Variants in NCAM1 observed in about 807,000 individuals in gnomAD.
NCAM1 encodes the protein antigen recognized by monoclonal antibody 5.1H11.
NCAM1 carries 14 observed loss-of-function variants against 109.8 expected under a neutral mutation model. The ratio of observed to expected loss-of-function variants is 0.13; its 90% CI spans 0.08 to 0.20. The LOEUF (loss-of-function observed/expected upper bound fraction) is 0.20. Among genes scored for constraint, NCAM1 ranks in the 10% least tolerant of loss-of-function variants. NCAM1 has a pLI of 1.00. For missense variants in NCAM1, 774 were observed against 1,109.9 expected (o/e 0.70, Z 4.30); for synonymous variants, 418 against 442.9 (o/e 0.94, Z 0.70).
chr11:112,979,635 A>C (rs1951099913), intron 1 of NCAM1, among the ~76,000 whole-genome samples: 3 of 151,834 alleles, frequency 2.0e-5, no homozygotes, highest in Admixed American at 6.6e-5. Flanking sequence ...AGGAAAACCC[A>C]ATCTGTTTTG....
chr11:113,180,688 A>G (rs567564030), intron 1 of NCAM1, among the ~76,000 whole-genome samples: 2 of 152,250 alleles, frequency 1.3e-5, no homozygotes, highest in Non-Finnish European at 2.9e-5. Flanking sequence ...TAGAAGAAAT[A>G]TCTCCTCTGA....
chr11:113,209,603 G>A (rs537099729), intron 7 of NCAM1, among the ~76,000 whole-genome samples: 1 of 152,302 alleles, frequency 6.6e-6, no homozygotes, highest in East Asian at 1.9e-4. Context: ...ACCCTGGGAA[G>A]CACAAAGAGG....
At chr11:113,116,032 C>T (rs11214503) in intron 1 of NCAM1, among the ~76,000 whole-genome samples, 68,299 of 151,988 alleles carry the variant, frequency 0.45, 16,307 homozygotes, top group Middle Eastern at 0.55. Flanking sequence ...CACAGGTTTA[C>T]GGCAAATACA....
chr11:113,104,736 A>G (rs1203155854), intron 1 of NCAM1, among the ~76,000 whole-genome samples: 3 of 152,200 alleles, frequency 2.0e-5, no homozygotes, highest in Non-Finnish European at 4.4e-5. Context: ...TTTGGAATAA[A>G]TTGGGTCTTA....
rs551947664 is a variant in NCAM1, at chr11:113,160,930, C to T, written c.53-41449C>T. ...CCTGATAGTTCCTCTAGGGCTTTTT[C>T]GAGAGTTTAAATTAAACTATCTTCT... On this transcript the variant is annotated intron_variant, in intron 1 of 19. Transcript: ENST00000316851. 1.1e-3 allele frequency among the ~76,000 whole-genome samples: 172 copies of T among 152,238 alleles called. 1 individual carries two copies. Among genetic ancestry groups the T allele is most frequent in the South Asian group, 8.9e-3 (43 of 4,824 alleles).
chr11:113,151,189 C>A (rs1942211386), intron 1 of NCAM1, among the ~76,000 whole-genome samples: 1 of 152,096 alleles, frequency 6.6e-6, no homozygotes, highest in African/African-American at 2.4e-5. Context: ...GACCTGAATC[C>A]TAAATGTACA....
intron 1 of NCAM1, among the ~76,000 whole-genome samples, chr11:113,053,330 C>T (rs1953578956): frequency 6.6e-6 from 1 of 152,074 alleles, no homozygotes; most frequent in African/African-American, 2.4e-5. Context: ...TGGGTTGATT[C>T]CATGTCTTTG....
intron 1 of NCAM1, among the ~76,000 whole-genome samples, chr11:113,107,337 AAAT>A (rs1940216731): frequency 6.6e-6 from 1 of 152,228 alleles, no homozygotes; most frequent in Admixed American, 6.5e-5. Context: ...GAATTAAATG[AAAT>A]AATATGTGCA....
intron 1 of NCAM1, among the ~76,000 whole-genome samples, chr11:113,197,950 T>C (rs1213729679): frequency 6.6e-6 from 1 of 151,944 alleles, no homozygotes. Flanking sequence ...TGCTAGGGAG[T>C]TGGGAGTTAC....
chr11:113,117,638 T>C (rs1187382035), intron 1 of NCAM1, among the ~76,000 whole-genome samples: 8 of 152,068 alleles, frequency 5.3e-5, no homozygotes, highest in Non-Finnish European at 1.0e-4. Context: ...TGTACAGCTG[T>C]GTTGAGGGAA....
intron 17 of NCAM1, among the ~76,000 whole-genome samples, chr11:113,269,013 A>C (rs1555124768): frequency 6.6e-6 from 1 of 152,170 alleles, no homozygotes; most frequent in East Asian, 1.9e-4. Context: ...GTTCTGGAGG[A>C]AAGATGAATT....
At chr11:113,047,365 G>T (rs1254595284) in intron 1 of NCAM1, among the ~76,000 whole-genome samples, 2 of 152,026 alleles carry the variant, frequency 1.3e-5, no homozygotes, top group African/African-American at 4.8e-5. Flanking sequence ...AAAATAACTT[G>T]ATTATAAGCA....
At chr11:113,058,587 T>C (rs1953799781) in intron 1 of NCAM1, among the ~76,000 whole-genome samples, 1 of 152,208 alleles carries the variant, frequency 6.6e-6, no homozygotes, top group Non-Finnish European at 1.5e-5. Context: ...AGTAGGATAA[T>C]TTGAAATTTG....
intron 1 of NCAM1, among the ~76,000 whole-genome samples, chr11:113,174,864 G>T (rs1305606708): frequency 6.6e-6 from 1 of 152,126 alleles, no homozygotes; most frequent in Non-Finnish European, 1.5e-5. Context: ...CTTTTGGGGA[G>T]TACAAGTATT....
At chr11:113,114,427 A>G (rs782147698) in intron 1 of NCAM1, among the ~76,000 whole-genome samples, 1 of 152,210 alleles carries the variant, frequency 6.6e-6, no homozygotes, top group Non-Finnish European at 1.5e-5. Flanking sequence ...TCTGCCTAAG[A>G]AGCCTTAGGA....
chr11:113,197,985 C>T (rs1943906886), intron 1 of NCAM1, among the ~76,000 whole-genome samples: 1 of 152,098 alleles, frequency 6.6e-6, no homozygotes, highest in African/African-American at 2.4e-5. Context: ...CACCTGAAGC[C>T]ATTTGCTAAA....
At position 113,240,590 on chromosome 11, in the gene NCAM1, A is replaced by G. The variant is rs561536621; in HGVS notation, c.1825+5426A>G. 1.9e-4 allele frequency: 113 copies of G among 602,756 alleles called. No homozygotes were observed. In the East Asian group the frequency reaches 3.1e-3, roughly 16 times the overall value. 37.3% of individuals were successfully genotyped at this position (602,756 alleles called of 1,614,324 possible). A position where few individuals can be genotyped will look rare whatever the true frequency, so the allele number is the denominator to read the frequency against. On this transcript the variant is annotated intron_variant, in intron 14 of 19. Transcript: ENST00000316851. ...AGGGTTTGGCAGGTGCACAGTCTCA[A>G]GGTTTGACGTTAGAGAGAGCCCTGC...
intron 15 of NCAM1, 147 bp downstream of exon 15, chr11:113,246,517 AT>A: frequency 3.1e-6 from 2 of 636,540 alleles, no homozygotes; most frequent in South Asian, 3.5e-5. Flanking sequence ...AGAATTCATC[AT>A]TCCTTGCAAA....
At chr11:113,201,451 T>C (rs1367501559) in intron 1 of NCAM1, among the ~76,000 whole-genome samples, 1 of 152,112 alleles carries the variant, frequency 6.6e-6, no homozygotes, top group Non-Finnish European at 1.5e-5. Context: ...TGCCTTTAGA[T>C]TTGGGGTTTA....
Sources: allele counts gnomAD v4.1 joint callset (sites outside exome capture counted in the v4.1 genomes callset), GRCh38; gene constraint gnomAD v4.1.1; transcripts MANE v1.5; gene names NCBI Gene and HGNC (gene_info 2026-07-23, HGNC 2026-07-21).